The following EPS8 variants were observed in gnomAD, a reference collection of about 807,000 sequenced individuals.
EPS8 encodes epidermal growth factor receptor kinase substrate 8.
A neutral mutation model predicts 103.8 loss-of-function variants in EPS8; 42 were observed. That is an observed-to-expected ratio of 0.40 (90% CI 0.32 to 0.52). EPS8 has a LOEUF of 0.52. Ranked by LOEUF, EPS8 falls within the 20% of genes least tolerant of loss-of-function variation. The pLI is 0.40. For missense variants in EPS8, 969 were observed against 1,005.1 expected, an observed-to-expected ratio of 0.96 and a Z score of 0.49; for synonymous variants, 344 against 344.6, an observed-to-expected ratio of 1.00 and a Z score of 0.02.
chr12:15,753,448 T>C (rs1946954162), intron 1 of EPS8, among the ~76,000 whole-genome samples: 1 of 152,160 alleles, frequency 6.6e-6, no homozygotes, highest in African/African-American at 2.4e-5. Context: ...TCGTAAGACC[T>C]GTAAATGCTA....
At chr12:15,729,042 G>T (rs1392621471) in intron 1 of EPS8, among the ~76,000 whole-genome samples, 1 of 152,110 alleles carries the variant, frequency 6.6e-6, no homozygotes, top group Non-Finnish European at 1.5e-5. Flanking sequence ...TTTTGTTTCT[G>T]TTTTCCAATA....
At chr12:15,635,475 C>T (rs1945117855) in intron 17 of EPS8, among the ~76,000 whole-genome samples, 1 of 152,032 alleles carries the variant, frequency 6.6e-6, no homozygotes, top group Non-Finnish European at 1.5e-5. Flanking sequence ...AGGAGGTTGG[C>T]CTGGCTGGAA....
rs1313801899 is a variant in EPS8 at position 15,640,845 on chromosome 12, A to T, written c.1679T>A (p.Ile560Lys). The T allele has an allele frequency of 6.2e-7, 1 of 1,613,392 alleles. No homozygotes were observed. Among genetic ancestry groups the T allele is most frequent in the Non-Finnish European group, 8.5e-7 (1 of 1,179,710 alleles). The change falls in exon 17 of 21, where the codon ATA becomes AAA. Residue 560 changes from isoleucine (I) to lysine (K), a missense_variant and splice_region_variant. Ile to Lys is a moderately radical substitution (Grantham distance 102). Transcript: ENST00000281172. ...CCACCATTGCTTCCGATCATCAAGT[A>T]TCTGTCATGTACAAGAAAATAAAGG... Reference protein sequence around the residue: ...LSVLKDDILEILDDRKQWWKV... With the variant: ...LSVLKDDILEKLDDRKQWWKV...
In EPS8 at chr12:15,733,999, T is replaced by C. The variant is rs535243116; in HGVS notation, c.-21-51027A>G. On this transcript the variant is annotated intron_variant, in intron 1 of 20. Coordinates refer to ENST00000281172, the MANE Select transcript of EPS8 (RefSeq NM_004447.6). The surrounding 1 kb of genome is among the most constrained non-coding windows in gnomAD (Gnocchi z 4.8). ...TCAGCCTCCCAAGTCAGTGAGACCC[T>C]CAGCTAATTTTTGTATTTTTTGTAG... Among the ~76,000 whole-genome samples the C allele has an allele frequency of 6.6e-6, 1 of 151,968 alleles. No individual in the cohort carries two copies. Among genetic ancestry groups the C allele is most frequent in the Non-Finnish European group, 1.5e-5 (1 of 67,942 alleles).
Position 15,666,785 on chromosome 12 carries a change from G to T in EPS8, c.517-263C>A, listed in dbSNP as rs551545091. On this transcript the variant is annotated intron_variant, in intron 6 of 20. Coordinates refer to ENST00000281172, the MANE Select transcript of EPS8 (RefSeq NM_004447.6). ...CCTTGAATAAAGGCAATGATAGAAA[G>T]GATATGTACACGCTAAAAATGAAAC... 7.9e-5 allele frequency among the ~76,000 whole-genome samples: 12 copies of T among 152,236 alleles called. 1 individual carries two copies. Among genetic ancestry groups the T allele is most frequent in the Admixed American group, 7.8e-4 (12 of 15,292 alleles).
intron 13 of EPS8, among the ~76,000 whole-genome samples, chr12:15,652,422 A>C (rs1363670393): frequency 3.9e-5 from 6 of 152,198 alleles, no homozygotes; most frequent in Non-Finnish European, 8.8e-5. Context: ...TGTACATTTC[A>C]AAATAGCTAG....
In EPS8 at chr12:15,705,296, A is replaced by G. The variant is rs552853729; in HGVS notation, c.-21-22324T>C. ...TAAAATAAGAAAATGAATACATGAC[A>G]TTACTTTTAAAATATTCAATGATTT... On this transcript the variant is annotated intron_variant, in intron 1 of 20. Transcript: ENST00000281172. Among the ~76,000 whole-genome samples, 6 of 152,332 alleles carry G rather than the reference A, an allele frequency of 3.9e-5. No individual in the cohort carries two copies. In the South Asian group the frequency reaches 1.2e-3, roughly 32 times the overall value.
intron 1 of EPS8, among the ~76,000 whole-genome samples, chr12:15,774,943 A>G (rs1947193358): frequency 6.6e-6 from 1 of 152,046 alleles, no homozygotes; most frequent in Admixed American, 6.6e-5. Context: ...AGCTCCCTGC[A>G]GTGCAAATAA....
Position 15,623,295 on chromosome 12 carries a change from A to G in EPS8, c.2226-8T>C, listed in dbSNP as rs1011459205. The G allele has an allele frequency of 6.3e-7, 1 of 1,578,228 alleles. No homozygotes were observed. Among genetic ancestry groups the G allele is most frequent in the Admixed American group, 2.0e-5 (1 of 49,298 alleles). On this transcript the variant is annotated splice_polypyrimidine_tract_variant and splice_region_variant and intron_variant, in intron 19 of 20. Transcript: ENST00000281172. ...CCAAGACTATTGACAGTCCTAAAAA[A>G]AAAAAAAGGAAAAAGAAACTGAGCA...
In EPS8 at chr12:15,731,498, G is replaced by A. The variant is rs142203252; in HGVS notation, c.-21-48526C>T. Among the ~76,000 whole-genome samples, 2,209 of 152,104 alleles carry A rather than the reference G, an allele frequency of 0.015. 158 individuals carry two copies. Among genetic ancestry groups the A allele is most frequent in the Admixed American group, 0.11 (1,675 of 15,274 alleles). ...TTTTTAGTAGAAACGGGGTTTCACCGTGTAGGCCAGGCTGGTCTCGAACTC... is the reference window on the plus strand; with the variant it reads ...TTTTTAGTAGAAACGGGGTTTCACCATGTAGGCCAGGCTGGTCTCGAACTC... On this transcript the variant is annotated intron_variant, in intron 1 of 20. Transcript: ENST00000281172. The surrounding 1 kb of genome is among the most constrained non-coding windows in gnomAD (Gnocchi z 5.1).
At chr12:15,635,333 T>C (rs981754630) in intron 17 of EPS8, among the ~76,000 whole-genome samples, 3 of 152,166 alleles carry the variant, frequency 2.0e-5, no homozygotes, top group African/African-American at 7.2e-5. Flanking sequence ...TTAAGAAGTC[T>C]CTGGGAAAAT....
chr12:15,632,865 C>G (rs1945072320), intron 17 of EPS8, among the ~76,000 whole-genome samples: 1 of 152,094 alleles, frequency 6.6e-6, no homozygotes, highest in South Asian at 2.1e-4. Context: ...CCTGTGGAAA[C>G]CGGTGTGGGA....
intron 3 of EPS8, among the ~76,000 whole-genome samples, chr12:15,677,240 AATT>A (rs1945923855): frequency 2.6e-5 from 4 of 152,276 alleles, no homozygotes; most frequent in Admixed American, 2.6e-4. Flanking sequence ...CTTACCACAG[AATT>A]ATTATCATTT....
intron 1 of EPS8, among the ~76,000 whole-genome samples, chr12:15,722,007 G>A (rs1402435619): frequency 6.7e-6 from 1 of 150,324 alleles, no homozygotes; most frequent in Admixed American, 6.6e-5. Context: ...TGTCTGTCTG[G>A]TTTTATAATC....
chr12:15,628,352 A>G (rs1021159537), intron 18 of EPS8, among the ~76,000 whole-genome samples: 12 of 152,162 alleles, frequency 7.9e-5, no homozygotes, highest in African/African-American at 2.7e-4. Context: ...TTCTTCCAGG[A>G]AGGACAAAAA....
intron 1 of EPS8, among the ~76,000 whole-genome samples, chr12:15,754,849 T>C (rs1460987280): frequency 6.6e-6 from 1 of 152,218 alleles, no homozygotes; most frequent in Non-Finnish European, 1.5e-5. Context: ...ATGTGTGCTG[T>C]GATATTGTGA....
Position 15,769,436 on chromosome 12 carries a change from T to C in EPS8, c.-22+19725A>G, listed in dbSNP as rs1000752065. On this transcript the variant is annotated intron_variant, in intron 1 of 20. Transcript: ENST00000281172. The surrounding 1 kb of genome is among the most constrained non-coding windows in gnomAD (Gnocchi z 4.6). Reference sequence around the variant, plus strand: ...TCAAGGATATATTAAAGAAAATCACTCAGAGTTTTATGAAAAATAAGCAAA... The same window carrying C: ...TCAAGGATATATTAAAGAAAATCACCCAGAGTTTTATGAAAAATAAGCAAA... Among the ~76,000 whole-genome samples, 1 of 152,078 alleles carries C rather than the reference T, an allele frequency of 6.6e-6. No individual in the cohort carries two copies. Among genetic ancestry groups the C allele is most frequent in the Admixed American group, 6.6e-5 (1 of 15,258 alleles).
At chr12:15,631,037 T>C (rs1482225158) in intron 18 of EPS8, among the ~76,000 whole-genome samples, 1 of 152,224 alleles carries the variant, frequency 6.6e-6, no homozygotes, top group Non-Finnish European at 1.5e-5. Context: ...CTATGCATTA[T>C]CTCATTAAAT....
intron 1 of EPS8, among the ~76,000 whole-genome samples, chr12:15,709,766 T>G (rs1251009717): frequency 6.6e-6 from 1 of 152,246 alleles, no homozygotes; most frequent in East Asian, 1.9e-4. Context: ...CTTAACGCAG[T>G]GGTCCCCAGC....
Sources: allele counts gnomAD v4.1 joint callset (sites outside exome capture counted in the v4.1 genomes callset), GRCh38; gene constraint gnomAD v4.1.1; non-coding constraint Gnocchi (gnomAD v3.1); transcripts MANE v1.5; gene names NCBI Gene and HGNC (gene_info 2026-07-23, HGNC 2026-07-21).